The following PALLD variants were observed in gnomAD, a reference collection of about 807,000 sequenced individuals.
PALLD encodes palladin.
In PALLD, 61 loss-of-function variants were observed where a neutral mutation model predicts 123.5. The observed-to-expected ratio is 0.49, with a 90% CI of 0.40 to 0.61. PALLD has a LOEUF of 0.61. Ranked by LOEUF, PALLD falls within the 20% of genes least tolerant of loss-of-function variation. PALLD has a pLI of 0.00. For missense variants in PALLD, 1,273 were observed against 1,377.0 expected (o/e 0.92, Z 1.20); for synonymous variants, 465 against 496.4 (o/e 0.94, Z 0.84).
At chr4:168,739,846 T>G (rs1788154332) in intron 10 of PALLD, among the ~76,000 whole-genome samples, 1 of 152,212 alleles carries the variant, frequency 6.6e-6, no homozygotes, top group African/African-American at 2.4e-5. Flanking sequence ...TGCGTGAATT[T>G]TTGTTTCAGG....
chr4:168,498,999 A>G (rs1477117887), intron 1 of PALLD, among the ~76,000 whole-genome samples: 1 of 151,954 alleles, frequency 6.6e-6, no homozygotes, highest in Non-Finnish European at 1.5e-5. Context: ...GTTTAAAGAG[A>G]TATTTAAAAC....
intron 2 of PALLD, among the ~76,000 whole-genome samples, chr4:168,595,515 G>A (rs1306854768): frequency 6.6e-6 from 1 of 152,094 alleles, no homozygotes; most frequent in East Asian, 1.9e-4. Flanking sequence ...TTATACAGAT[G>A]AGCATTTATT....
In PALLD at chr4:168,844,939, T is replaced by A. The variant is rs17708784; in HGVS notation, c.1965-45983T>A. Among the ~76,000 whole-genome samples the A allele has an allele frequency of 0.12, 17,745 of 152,156 alleles. 1,267 individuals carry two copies. The highest frequency in any genetic ancestry group is 0.18 in the Middle Eastern group (53 of 294). On this transcript the variant is annotated intron_variant, in intron 10 of 21. Transcript: ENST00000505667. This position sits in a 1 kb window ranked among gnomAD's most constrained non-coding sequence, Gnocchi z 4.5. ...TGATTAGTTCTGTGGGTGAAACAGA[T>A]TCAGTGTCCTCTGAGGAGGGACTGA...
chr4:168,917,328 A>G (rs1008858048), intron 17 of PALLD, among the ~76,000 whole-genome samples: 5 of 152,134 alleles, frequency 3.3e-5, no homozygotes, highest in Admixed American at 1.3e-4. Flanking sequence ...GATTACAGGC[A>G]TGAGCCACCA....
intron 10 of PALLD, among the ~76,000 whole-genome samples, chr4:168,814,244 A>G (rs1741596374): frequency 6.6e-6 from 1 of 152,152 alleles, no homozygotes; most frequent in Non-Finnish European, 1.5e-5. Context: ...AAATATAAGA[A>G]CCAACTGTCC....
chr4:168,854,747 G>A (rs1259991253), intron 10 of PALLD, among the ~76,000 whole-genome samples: 5 of 152,148 alleles, frequency 3.3e-5, no homozygotes, highest in African/African-American at 9.7e-5. Flanking sequence ...AAAAAAGGAC[G>A]ACAGAGAGGA....
intron 8 of PALLD, among the ~76,000 whole-genome samples, chr4:168,705,888 C>A (rs1784179175): frequency 6.6e-6 from 1 of 152,214 alleles, no homozygotes; most frequent in Non-Finnish European, 1.5e-5. Flanking sequence ...AGTGATCCGC[C>A]TGCCTCGGCC....
At chr4:168,717,387 G>C (rs1346685881) in intron 10 of PALLD, among the ~76,000 whole-genome samples, 1 of 151,598 alleles carries the variant, frequency 6.6e-6, no homozygotes, top group Non-Finnish European at 1.5e-5. Context: ...TTGTCACCTA[G>C]GCTGGAGAGC....
At chr4:168,680,173 A>C (rs1302240987) in intron 3 of PALLD, among the ~76,000 whole-genome samples, 2 of 152,080 alleles carry the variant, frequency 1.3e-5, no homozygotes, top group Non-Finnish European at 2.9e-5. Flanking sequence ...AAATATGTTG[A>C]TATGCTGTAT....
intron 2 of PALLD, among the ~76,000 whole-genome samples, chr4:168,616,672 GGGT>G (rs1774248596): frequency 1.3e-5 from 2 of 152,158 alleles, no homozygotes. Flanking sequence ...TGAGCAGGTA[GGGT>G]GCTTGAGAAA....
chr4:168,503,632 G>T (rs1394747714), intron 1 of PALLD, among the ~76,000 whole-genome samples: 4 of 144,642 alleles, frequency 2.8e-5, no homozygotes, highest in African/African-American at 1.1e-4. Flanking sequence ...GGGCAACAGA[G>T]CGAGACTCCA....
rs1422609351 is a variant in PALLD at position 168,924,380 on chromosome 4, A to G, written c.3184A>G (p.Lys1062Glu). ...GCCACCACCTCAGATATTTTGGAAG[A>G]AAGAAAATGAATCACTCACTCACAG... ...GVPPPQIFWK[K>E]ENESLTHSTD... The change falls in exon 19 of 22, where the codon AAA becomes GAA. Residue 1062 changes from lysine to glutamate, a missense_variant. Lys to Glu is a moderately conservative substitution (Grantham distance 56). Coordinates refer to ENST00000505667, the MANE Select transcript of PALLD (RefSeq NM_001166108.2). The G allele has an allele frequency of 6.2e-7, 1 of 1,614,042 alleles. No individual in the cohort carries two copies. The highest frequency in any genetic ancestry group is 1.3e-5 in the African/African-American group (1 of 75,036).
rs1455679097 is a variant in PALLD, at chr4:168,898,425, G to A, written c.2251-68G>A. The A allele has an allele frequency of 7.3e-6, 7 of 964,222 alleles. No homozygotes were observed. The African/African-American group carries it at 1.1e-4, about 16-fold the overall frequency. 59.7% of individuals were successfully genotyped at this position (964,222 alleles called of 1,614,324 possible). A position where few individuals can be genotyped will look rare whatever the true frequency, so the allele number is the denominator to read the frequency against. On this transcript the variant is annotated intron_variant, in intron 13 of 21. Transcript: ENST00000505667. ...ACTGTCTTCTAGGGCCTTATTGGGGGGCAGGGAGAGACGTGACACTTTGTC... is the reference window on the plus strand; with the variant it reads ...ACTGTCTTCTAGGGCCTTATTGGGGAGCAGGGAGAGACGTGACACTTTGTC...
chr4:168,538,942 G>T (rs1454544663), intron 2 of PALLD, among the ~76,000 whole-genome samples: 4 of 152,154 alleles, frequency 2.6e-5, no homozygotes, highest in Non-Finnish European at 5.9e-5. Flanking sequence ...TGTTCATGTG[G>T]TTCAGAATTT....
At chr4:168,868,324 G>A (rs1481633354) in intron 10 of PALLD, among the ~76,000 whole-genome samples, 2 of 152,200 alleles carry the variant, frequency 1.3e-5, no homozygotes, top group African/African-American at 2.4e-5. Context: ...TCTGTAAAGG[G>A]AGGGAGGAGT....
At chr4:168,668,493 A>G in intron 3 of PALLD, 125 bp downstream of exon 3, 1 of 701,558 alleles carries the variant, frequency 1.4e-6, no homozygotes, top group Non-Finnish European at 2.3e-6. Flanking sequence ...TTCAAACTTC[A>G]TTTCCCTGAA....
chr4:168,542,986 C>G (rs1195858886), intron 2 of PALLD, among the ~76,000 whole-genome samples: 1 of 151,832 alleles, frequency 6.6e-6, no homozygotes, highest in Non-Finnish European at 1.5e-5. Context: ...ACCTAATCAC[C>G]TGCTGTCTTT....
intron 2 of PALLD, among the ~76,000 whole-genome samples, chr4:168,599,736 T>C (rs189455500): frequency 2.6e-5 from 4 of 152,154 alleles, no homozygotes; most frequent in African/African-American, 7.2e-5. Flanking sequence ...TGAATAGCCA[T>C]TGCACTCCTG....
rs1266953093 is a variant in PALLD at position 168,511,676 on chromosome 4, T to A, written c.172T>A (p.Phe58Ile). Residue 58 changes from phenylalanine to isoleucine, a missense_variant, in exon 2 of 22, where the codon TTT (phenylalanine) becomes ATT (isoleucine). This residue lies in a region of PALLD where 944 missense variants were observed against 954.5 expected (regional missense o/e 0.99). Coordinates refer to ENST00000505667, the MANE Select transcript of PALLD (RefSeq NM_001166108.2). ...RAIADSETED[F>I]DSEKEISQIF... ...CATAGCCGACTCCGAAACAGAAGAT[T>A]TTGACTCGGAAAAGGAGATCTCGCA... 1.2e-6 allele frequency: 2 copies of A among 1,614,114 alleles called. No individual in the cohort carries two copies. The highest frequency in any genetic ancestry group is 2.7e-5 in the African/African-American group (2 of 75,024).
Sources: allele counts gnomAD v4.1 joint callset (sites outside exome capture counted in the v4.1 genomes callset), GRCh38; gene constraint gnomAD v4.1.1; regional missense constraint gnomAD v4.1.1; non-coding constraint Gnocchi (gnomAD v3.1); transcripts MANE v1.5; gene names NCBI Gene and HGNC (gene_info 2026-07-23, HGNC 2026-07-21).